Variants in RHOBTB3 observed in about 807,000 individuals in gnomAD.
The protein encoded by RHOBTB3 is rho-related BTB domain-containing protein 3.
A neutral mutation model predicts 67.2 loss-of-function variants in RHOBTB3; 47 were observed. The ratio of observed to expected loss-of-function variants is 0.70; its 90% CI spans 0.55 to 0.89. The LOEUF (loss-of-function observed/expected upper bound fraction) is 0.89. Ranked by LOEUF, RHOBTB3 falls within the 40% of genes least tolerant of loss-of-function variation. The probability of loss-of-function intolerance (pLI) is 0.00; values close to 1 mark genes in which losing one functional copy is unlikely to be tolerated. For missense variants in RHOBTB3, 631 were observed against 750.0 expected (o/e 0.84, Z 1.85); for synonymous variants, 273 against 274.2 (o/e 1.00, Z 0.04).
rs898650200 is a variant in RHOBTB3, at chr5:95,793,332, C to G, written c.*158C>G. 9.7e-6 allele frequency: 5 copies of G among 514,258 alleles called. No individual in the cohort carries two copies. The African/African-American group carries it at 9.9e-5, about 10-fold the overall frequency. 31.9% of individuals were successfully genotyped at this position (514,258 alleles called of 1,614,324 possible). On this transcript the variant is annotated 3_prime_UTR_variant, in exon 12 of 12. Transcript: ENST00000379982. ...TTAGTTCTCTTTGGAAAAAAACTAC[C>G]ACTGTGGTCTTAAAAGGGAACAAAA...
intron 8 of RHOBTB3, 40 bp downstream of exon 8, chr5:95,768,206 T>TTTCTTGTTTTCTTTCCTTGCTTTCTAC: frequency 6.4e-7 from 1 of 1,565,344 alleles, no homozygotes; most frequent in Non-Finnish European, 8.7e-7. Context: ...TTCATTTTTA[T>TTTCTTGTTTTCTTTCCTTGCTTTCTAC]TTCTTGTTTT....
intron 3 of RHOBTB3, among the ~76,000 whole-genome samples, chr5:95,746,512 T>C (rs1744918069): frequency 6.6e-6 from 1 of 152,134 alleles, no homozygotes; most frequent in Non-Finnish European, 1.5e-5. Context: ...CTTTATTTGC[T>C]CCAAACTTAA....
chr5:95,783,365 G>A (rs1158222355), intron 9 of RHOBTB3, among the ~76,000 whole-genome samples: 2 of 151,240 alleles, frequency 1.3e-5, no homozygotes, highest in South Asian at 2.1e-4. Context: ...CTCGTGATCC[G>A]CCCACCTCGG....
At chr5:95,722,464 A>T (rs963382580) in intron 1 of RHOBTB3, among the ~76,000 whole-genome samples, 1 of 152,178 alleles carries the variant, frequency 6.6e-6, no homozygotes, top group Non-Finnish European at 1.5e-5. Context: ...ATTTATATAC[A>T]TCCCTGGGGG....
chr5:95,736,988 G>A lies in RHOBTB3; in HGVS notation c.328G>A (p.Glu110Lys). Residue 110 changes from glutamate to lysine, a missense_variant, in exon 3 of 12, where the codon GAA becomes AAA. Physicochemically the swap from Glu to Lys is moderately conservative, Grantham distance 56 (BLOSUM62 1). Coordinates refer to ENST00000379982, the MANE Select transcript of RHOBTB3 (RefSeq NM_014899.4). ...CGTTAATGACAAGTTTTCATTCCAT[G>A]AAGTAAAGGATAATTATATTCCAGT... is the stretch of plus-strand genomic sequence containing the variant. ...YNVNDKFSFH[E>K]VKDNYIPVIK... The A allele has an allele frequency of 6.2e-7, 1 of 1,606,556 alleles. No individual in the cohort carries two copies. Among genetic ancestry groups the A allele is most frequent in the Non-Finnish European group, 8.5e-7 (1 of 1,173,538 alleles).
At chr5:95,748,234 C>T in intron 3 of RHOBTB3, 99 bp from the exon 4 acceptor site, 1 of 781,890 alleles carries the variant, frequency 1.3e-6, no homozygotes, top group South Asian at 2.4e-5. Flanking sequence ...AACTGTGGCT[C>T]TAGTATGAGC....
At chr5:95,748,186 C>A in intron 3 of RHOBTB3, 147 bp from the exon 4 acceptor site, 1 of 423,986 alleles carries the variant, frequency 2.4e-6, no homozygotes. Context: ...ACTTTGTATT[C>A]AGAGTTTAGT....
upstream of RHOBTB3, among the ~76,000 whole-genome samples, chr5:95,728,741 TAGG>T (rs1755130053): frequency 6.6e-6 from 1 of 152,086 alleles, no homozygotes; most frequent in Non-Finnish European, 1.5e-5. Flanking sequence ...GCTGCATTCC[TAGG>T]AGGTTAGGCA....
In RHOBTB3 at chr5:95,753,771, A is replaced by G. The variant is rs186450249; in HGVS notation, c.682+1421A>G. ...ATTAATCAAGAAGACAAAATATACC[A>G]GATCCTCAGAGAAAGCAAAACATTA... On this transcript the variant is annotated intron_variant, in intron 5 of 11. Coordinates refer to ENST00000379982, the MANE Select transcript of RHOBTB3 (RefSeq NM_014899.4). Among the ~76,000 whole-genome samples the G allele has an allele frequency of 3.9e-5, 6 of 152,336 alleles. No individual in the cohort carries two copies. In the East Asian group the frequency reaches 1.2e-3, roughly 29 times the overall value.
chr5:95,727,176 G>A (rs1755081863), upstream of RHOBTB3, among the ~76,000 whole-genome samples: 1 of 152,158 alleles, frequency 6.6e-6, no homozygotes, highest in Non-Finnish European at 1.5e-5. Context: ...AGACTGCTCT[G>A]ATTGGCTTTA....
intron 10 of RHOBTB3, among the ~76,000 whole-genome samples, chr5:95,784,823 G>A (rs1385591004): frequency 1.3e-5 from 2 of 152,096 alleles, no homozygotes; most frequent in East Asian, 1.9e-4. Context: ...CCATCCTACC[G>A]TTGGCCATTC....
intron 5 of RHOBTB3, among the ~76,000 whole-genome samples, chr5:95,752,679 T>C (rs941934270): frequency 6.6e-6 from 1 of 152,356 alleles, no homozygotes; most frequent in Non-Finnish European, 1.5e-5. Context: ...GATTGGATAC[T>C]GGTTCAATAA....
chr5:95,744,253 A>G (rs1358133478), intron 3 of RHOBTB3, among the ~76,000 whole-genome samples: 1 of 152,184 alleles, frequency 6.6e-6, no homozygotes, highest in Non-Finnish European at 1.5e-5. Context: ...GCCCCTCTAC[A>G]CAGCCCCTAT....
At position 95,731,600 on chromosome 5, in the gene RHOBTB3, G is replaced by T. The variant is rs889165131; in HGVS notation, c.-83G>T. On this transcript the variant is annotated 5_prime_UTR_variant, in exon 1 of 12. Coordinates refer to ENST00000379982, the MANE Select transcript of RHOBTB3 (RefSeq NM_014899.4). ...GCGGCCGGGGATGAGCGGATTGCGGGTGAACTCGCCGCCCGGGGGCCCCGC... is the reference window on the plus strand; with the variant it reads ...GCGGCCGGGGATGAGCGGATTGCGGTTGAACTCGCCGCCCGGGGGCCCCGC... 9 of 1,590,432 alleles carry T rather than the reference G, an allele frequency of 5.7e-6. No homozygotes were observed. Among genetic ancestry groups the T allele is most frequent in the African/African-American group, 1.3e-5 (1 of 74,334 alleles).
chr5:95,722,149 G>C (rs1459130295), intron 1 of RHOBTB3, among the ~76,000 whole-genome samples: 1 of 152,136 alleles, frequency 6.6e-6, no homozygotes, highest in Non-Finnish European at 1.5e-5. Flanking sequence ...CGTGCCAGCT[G>C]GGATAGTACC....
chr5:95,792,675 C>G (rs1267928217), intron 11 of RHOBTB3, among the ~76,000 whole-genome samples: 1 of 151,114 alleles, frequency 6.6e-6, no homozygotes, highest in Non-Finnish European at 1.5e-5. Flanking sequence ...GCCTGTAGTC[C>G]CAACTACTCG....
At chr5:95,755,832 C>G (rs1449470071) in intron 6 of RHOBTB3, 71 bp downstream of exon 6, 1 of 1,503,180 alleles carries the variant, frequency 6.7e-7, no homozygotes, top group Non-Finnish European at 9.1e-7. Context: ...CTGTGACACT[C>G]AAGGGTACTG....
intron 10 of RHOBTB3, among the ~76,000 whole-genome samples, chr5:95,786,919 G>T (rs937165407): frequency 1.3e-5 from 2 of 152,146 alleles, no homozygotes; most frequent in Non-Finnish European, 2.9e-5. Context: ...ATCTGGGCCA[G>T]GTCTGTACAT....
At position 95,731,525 on chromosome 5, in the gene RHOBTB3, C is replaced by T. The variant is rs983686210; in HGVS notation, c.-158C>T. On this transcript the variant is annotated 5_prime_UTR_variant, in exon 1 of 12. Coordinates refer to ENST00000379982, the MANE Select transcript of RHOBTB3 (RefSeq NM_014899.4). ...GCTCGCTCGCTGGCTGGCGCGGCCCCGGCCCCGCTCTGCGTCGGCCCCGCC... is the reference window on the plus strand; with the variant it reads ...GCTCGCTCGCTGGCTGGCGCGGCCCTGGCCCCGCTCTGCGTCGGCCCCGCC... The T allele has an allele frequency of 5.5e-5, 72 of 1,301,534 alleles. No individual in the cohort carries two copies. The East Asian group carries it at 6.6e-4, about 12-fold the overall frequency. The allele number at this position is 1,301,534 out of a possible 1,614,324, so 80.6% of individuals were successfully genotyped here.
Sources: allele counts gnomAD v4.1 joint callset (sites outside exome capture counted in the v4.1 genomes callset), GRCh38; gene constraint gnomAD v4.1.1; transcripts MANE v1.5; gene names NCBI Gene and HGNC (gene_info 2026-07-23, HGNC 2026-07-21).